The following MAPK8IP2 variants were observed in gnomAD, a reference collection of about 807,000 sequenced individuals.
MAPK8IP2 encodes the protein C-Jun-amino-terminal kinase-interacting protein 2.
In MAPK8IP2, 15 loss-of-function variants were observed where a neutral mutation model predicts 75.6. The observed-to-expected ratio is 0.20, with a 90% confidence interval of 0.13 to 0.31. The LOEUF is 0.31. Ranked by LOEUF, MAPK8IP2 falls within the 10% of genes least tolerant of loss-of-function variation. The pLI is 1.00. For synonymous variants in MAPK8IP2, 632 were observed against 554.5 expected (o/e 1.14, Z -1.96); for missense variants, 1,089 against 1,211.2 (o/e 0.90, Z 1.50).
chr22:50,609,947 C>T (rs1346723166), intron 10 of MAPK8IP2: 1 of 648,226 alleles, frequency 1.5e-6, no homozygotes, highest in Admixed American at 1.8e-5. Context: ...AGGGTAGCAG[C>T]ACCGGCTCAG....
Position 50,601,828 on chromosome 22 carries a change from A to C in MAPK8IP2, c.105A>C (p.Glu35Asp). 6.2e-7 allele frequency: 1 copy of C among 1,613,916 alleles called. No individual in the cohort carries two copies. The highest frequency in any genetic ancestry group is 1.1e-5 in the South Asian group (1 of 91,088). The change falls in exon 2 of 12, where the codon GAA becomes GAC. Residue 35 changes from glutamate to aspartate, a missense_variant. Coordinates refer to ENST00000329492, the MANE Select transcript of MAPK8IP2 (RefSeq NM_012324.6). ...TAAGCCTGGAAGAATTTGACGACGA[A>C]GATCTGTCTGAGATCACTGATGACT... ...QDISLEEFDD[E>D]DLSEITDDCG...
At position 50,605,925 on chromosome 22, in the gene MAPK8IP2, C is replaced by T; in HGVS notation, c.2115C>T (p.Ala705=). 1.3e-6 allele frequency: 2 copies of T among 1,574,450 alleles called. No homozygotes were observed. Among genetic ancestry groups the T allele is most frequent in the Non-Finnish European group, 1.7e-6 (2 of 1,162,504 alleles). The change falls in exon 8 of 12, where the codon GCC becomes GCT. Residue 705 remains alanine, a synonymous_variant. Transcript: ENST00000329492. ...CHQGNGILCA[A]MQKIATARKL... ...AGGGCAACGGCATCCTGTGTGCAGCCATGCAGAAGGTCAGTGTGGAGGCCG... is the reference window on the plus strand; with the variant it reads ...AGGGCAACGGCATCCTGTGTGCAGCTATGCAGAAGGTCAGTGTGGAGGCCG...
Position 50,605,034 on chromosome 22 carries a change from G to A in MAPK8IP2, c.1735G>A (p.Val579Ile). The A allele has an allele frequency of 6.2e-7, 1 of 1,612,568 alleles. No individual in the cohort carries two copies. The highest frequency in any genetic ancestry group is 1.1e-5 in the South Asian group (1 of 91,080). The part of the protein sequence containing the change: ...DLTFSKKFLN[V>I]FVNSTSRSSS... ...CACTTTCTCCAAGAAGTTCCTCAAT[G>A]TCTTCGTCAACAGCACATCTCGGTC... Residue 579 changes from valine (V) to isoleucine (I), a missense_variant, in exon 5 of 12, where the codon GTC becomes ATC. Transcript: ENST00000329492.
intron 10 of MAPK8IP2, among the ~76,000 whole-genome samples, chr22:50,608,626 CA>C (rs1290474219): frequency 9.5e-6 from 1 of 105,818 alleles, no homozygotes; most frequent in Non-Finnish European, 1.9e-5. Flanking sequence ...GACCAGACAG[CA>C]GGGACAGCTC....
In MAPK8IP2 at chr22:50,612,889, C is replaced by T. The variant is rs2071172579; in HGVS notation, c.*2110C>T. 6.5e-6 allele frequency: 1 copy of T among 152,704 alleles called. No homozygotes were observed. Among genetic ancestry groups the T allele is most frequent in the Non-Finnish European group, 1.5e-5 (1 of 68,272 alleles). 9.5% of individuals were successfully genotyped at this position (152,704 alleles called of 1,614,324 possible). On this transcript the variant is annotated 3_prime_UTR_variant, in exon 12 of 12. Coordinates refer to ENST00000329492, the MANE Select transcript of MAPK8IP2 (RefSeq NM_012324.6). ...CCCGCCCCTGCCCGGCCTGGCCCCGCCCCTGCCCGGCCCCGCCCCCCAACG... is the reference window on the plus strand; with the variant it reads ...CCCGCCCCTGCCCGGCCTGGCCCCGTCCCTGCCCGGCCCCGCCCCCCAACG...
intron 10 of MAPK8IP2, chr22:50,609,768 G>A (rs1048190824): frequency 3.9e-6 from 2 of 517,952 alleles, no homozygotes; most frequent in Non-Finnish European, 7.7e-6. Flanking sequence ...ACCGGAAGAG[G>A]GTTTTACAGA....
chr22:50,608,391 G>T (rs1440478320), intron 10 of MAPK8IP2, among the ~76,000 whole-genome samples: 1 of 130,572 alleles, frequency 7.7e-6, no homozygotes, highest in Non-Finnish European at 1.6e-5. Context: ...CAGTGGGCAG[G>T]GGCGCAGACC....
Position 50,604,511 on chromosome 22 carries a change from C to T in MAPK8IP2, c.1212C>T (p.Gly404=), listed in dbSNP as rs1026304776. The T allele has an allele frequency of 3.3e-6, 4 of 1,213,046 alleles. No homozygotes were observed. The African/African-American group carries it at 4.8e-5, about 15-fold the overall frequency. The allele number at this position is 1,213,046 out of a possible 1,614,324, so 75.1% of individuals were successfully genotyped here. ...ACCCCGAGGCGGCCGCGGGGCCCGG[C>T]GGCGTGGAGCTGGTGGACATGGAGA... ...SQDPEAAAGP[G]GVELVDMETL... is the part of the protein sequence containing the mutation. The change falls in exon 5 of 12, where the codon GGC becomes GGT. Residue 404 remains glycine, a synonymous_variant. Transcript: ENST00000329492.
chr22:50,606,592 AC>A, intron 8 of MAPK8IP2, 65 bp from the exon 9 acceptor site: 1 of 1,129,268 alleles, frequency 8.9e-7, no homozygotes, highest in South Asian at 1.3e-5. Context: ...GCGTAGTCCC[AC>A]CAAGGGGAAA....
intron 8 of MAPK8IP2, among the ~76,000 whole-genome samples, chr22:50,606,293 C>A (rs376475687): frequency 1.2e-3 from 156 of 135,064 alleles, no homozygotes; most frequent in African/African-American, 4.0e-3. Flanking sequence ...ACTCAGTGGA[C>A]GTTTAGTGAG....
rs117802677 is a variant in MAPK8IP2, at chr22:50,610,660, G to C, written c.2403-47G>C. ...AGGCTCTGTGGAAGGCAGTTTGGGG[G>C]TTGAGGACCGGCCCTGAGTGGCTGG... On this transcript the variant is annotated intron_variant, in intron 11 of 11. Transcript: ENST00000329492. This position sits in a 1 kb window ranked among gnomAD's most constrained non-coding sequence, Gnocchi z 4.3. The C allele has an allele frequency of 0.036, 54,423 of 1,516,006 alleles. 1,174 individuals are homozygous for C. Among genetic ancestry groups the C allele is most frequent in the Non-Finnish European group, 0.039 (43,520 of 1,105,558 alleles). The allele number at this position is 1,516,006 out of a possible 1,614,324, so 93.9% of individuals were successfully genotyped here. A position where few individuals can be genotyped will look rare whatever the true frequency, so the allele number is the denominator to read the frequency against.
At chr22:50,602,556 CA>C (rs2070955905) in intron 2 of MAPK8IP2, among the ~76,000 whole-genome samples, 1 of 152,176 alleles carries the variant, frequency 6.6e-6, no homozygotes, top group African/African-American at 2.4e-5. Flanking sequence ...GAAGGGAACC[CA>C]ATCCACACTG....
chr22:50,612,159 G>GAGA lies in MAPK8IP2; in HGVS notation c.*1381_*1383dup, dbSNP rs1296806931. The stretch of plus-strand genomic sequence containing the variant: ...TGCACTCCAGCCTGGGCGACAGAGG[G>GAGA]AGACTCCGTCTCAGAAAAAGGAAAA... On this transcript the variant is annotated 3_prime_UTR_variant, in exon 12 of 12. Transcript: ENST00000329492. 1 of 152,224 alleles carries GAGA rather than the reference G, an allele frequency of 6.6e-6. No homozygotes were observed. The highest frequency in any genetic ancestry group is 1.5e-5 in the Non-Finnish European group (1 of 68,052). 9.4% of individuals were successfully genotyped at this position (152,224 alleles called of 1,614,324 possible). A position where few individuals can be genotyped will look rare whatever the true frequency, so the allele number is the denominator to read the frequency against.
At chr22:50,609,756 A>G in intron 10 of MAPK8IP2, 1 of 516,690 alleles carries the variant, frequency 1.9e-6, no homozygotes, top group Non-Finnish European at 3.9e-6. Context: ...AGCGAGGGGT[A>G]GACCGGAAGA....
In MAPK8IP2 at chr22:50,603,940, C is replaced by T. The variant is rs761368512; in HGVS notation, c.641C>T (p.Pro214Leu). 3 of 1,543,332 alleles carry T rather than the reference C, an allele frequency of 1.9e-6. No homozygotes were observed. The highest frequency in any genetic ancestry group is 2.0e-5 in the Admixed American group (1 of 51,228). The change falls in exon 5 of 12, where the codon CCC becomes CTC. Residue 214 changes from proline to leucine, a missense_variant. Pro to Leu is a moderately conservative substitution (Grantham distance 98). Around this residue, in one of 2 missense-constraint regions of MAPK8IP2, gnomAD observed 960 missense variants for 1,009.6 expected, o/e 0.95. Coordinates refer to ENST00000329492, the MANE Select transcript of MAPK8IP2 (RefSeq NM_012324.6). ...TGCGAAGGGAACCGGCCTGCGGAAC[C>T]CCCTGCGCCAGGGGGGACTTCGCCC... ...CDCEGNRPAE[P>L]PAPGGTSPSS...
intron 2 of MAPK8IP2, 49 bp from the exon 3 acceptor site, chr22:50,603,174 G>A: frequency 1.2e-6 from 2 of 1,611,670 alleles, no homozygotes; most frequent in South Asian, 2.2e-5. Context: ...GGGCCCCTGG[G>A]CTACTGCTGC....
At chr22:50,608,287 C>A (rs1474157659) in intron 10 of MAPK8IP2, among the ~76,000 whole-genome samples, 1 of 151,408 alleles carries the variant, frequency 6.6e-6, no homozygotes, top group Non-Finnish European at 1.5e-5. Flanking sequence ...CGATGCAGAC[C>A]AGACTGCGGG....
intron 10 of MAPK8IP2, chr22:50,609,962 G>A (rs1173718215): frequency 1.5e-6 from 1 of 679,054 alleles, no homozygotes; most frequent in African/African-American, 1.7e-5. Flanking sequence ...GCTCAGAGAA[G>A]GGAGAGTGGA....
In MAPK8IP2 at chr22:50,606,714, C is replaced by T. The variant is rs565845545; in HGVS notation, c.2181C>T (p.Leu727=). 1.1e-5 allele frequency: 18 copies of T among 1,595,026 alleles called. No homozygotes were observed. The African/African-American group carries it at 1.7e-4, about 15-fold the overall frequency. Residue 727 remains leucine, a synonymous_variant, in exon 9 of 12, where the codon CTC becomes CTT. Transcript: ENST00000329492. ...VHLRPPASCD[L]EISLRGVKLS... ...TGCGCCCTCCTGCCTCCTGTGACCT[C>T]GAGATCTCTCTTCGGGGGGTCAAGC...
Sources: gnomAD v4.1 joint callset for allele counts (sites outside exome capture counted in the v4.1 genomes callset) on GRCh38, gnomAD v4.1.1 for gene constraint, gnomAD v4.1.1 regional missense constraint, Gnocchi (gnomAD v3.1) non-coding constraint, MANE v1.5 for transcripts, NCBI Gene and HGNC (gene_info 2026-07-23, HGNC 2026-07-21) for gene names.